KMT2D: variants seen among roughly 807,000 people sequenced by gnomAD.
KMT2D encodes histone-lysine N-methyltransferase 2D.
A neutral mutation model predicts 512.7 loss-of-function variants in KMT2D; 55 were observed. The ratio of observed to expected loss-of-function variants is 0.11; its 90% CI spans 0.09 to 0.13. The LOEUF (loss-of-function observed/expected upper bound fraction) is 0.13, where lower values mean the gene tolerates loss of function less well. Ranked by LOEUF, KMT2D falls within the 10% of genes least tolerant of loss-of-function variation. The pLI is 1.00. For missense variants in KMT2D, 6,061 were observed against 7,127.9 expected (o/e 0.85, Z 5.39); for synonymous variants, 2,995 against 2,904.0 (o/e 1.03, Z -1.01).
rs967748076 is a variant in KMT2D at position 49,046,524 on chromosome 12, C to T, written c.4418+85G>A. ...CAAGCCACCAGCCTGGCCTCCTAAA[C>T]CCAGCCTCTGTCACATACTCAACAT... is the stretch of plus-strand genomic sequence containing the variant. On this transcript the variant is annotated intron_variant, in intron 16 of 54. Transcript: ENST00000301067. The surrounding 1 kb of genome is among the most constrained non-coding windows in gnomAD (Gnocchi z 4.2). 13 of 1,576,658 alleles carry T rather than the reference C, an allele frequency of 8.2e-6. No homozygotes were observed. In the Admixed American group the frequency reaches 2.2e-4, roughly 27 times the overall value.
chr12:49,031,696 G>C lies in KMT2D; in HGVS notation c.13009C>G (p.Pro4337Ala), dbSNP rs587778475. 5.0e-6 allele frequency: 8 copies of C among 1,612,494 alleles called. No individual in the cohort carries two copies. The Admixed American group carries it at 1.3e-4, about 27-fold the overall frequency. Residue 4337 changes from proline (P) to alanine (A), a missense_variant, in exon 40 of 55, where the codon CCT becomes GCT. Around this residue, in one of 16 missense-constraint regions of KMT2D, gnomAD observed 1,600 missense variants for 1,754.9 expected, o/e 0.91. Coordinates refer to ENST00000301067, the MANE Select transcript of KMT2D (RefSeq NM_003482.4). The stretch of plus-strand genomic sequence containing the variant: ...TTGGGGGTCCCTGGATGGGTGGGAG[G>C]GAGCTGGGCCTCAGTGGGAAGCTGG... The part of the protein sequence containing the change: ...SSQLPTEAQL[P>A]PTHPGTPKPQ...
At position 49,027,272 on chromosome 12, in the gene KMT2D, G is replaced by C. The variant is rs1942649626; in HGVS notation, c.14694C>G (p.Val4898=). 1 of 1,555,028 alleles carries C rather than the reference G, an allele frequency of 6.4e-7. No homozygotes were observed. The highest frequency in any genetic ancestry group is 8.7e-7 in the Non-Finnish European group (1 of 1,153,488). The change falls in exon 49 of 55, where the codon GTC becomes GTG. Residue 4898 remains valine (V), a synonymous_variant. Coordinates refer to ENST00000301067, the MANE Select transcript of KMT2D (RefSeq NM_003482.4). Reference sequence around the variant, plus strand: ...AGAGCTGTCGCACATCCAGATTGGAGACATTGTAGGTATAGCTGTGCTGAG... The same window carrying C: ...AGAGCTGTCGCACATCCAGATTGGACACATTGTAGGTATAGCTGTGCTGAG... ...PPTQHSYTYN[V]SNLDVRQLSA... is the part of the protein sequence containing the mutation.
intron 23 of KMT2D, 42 bp from the exon 24 acceptor site, chr12:49,043,824 C>A (rs1366150459): frequency 6.2e-7 from 1 of 1,613,796 alleles, no homozygotes; most frequent in Non-Finnish European, 8.5e-7. Context: ...TCATGCCCTG[C>A]AGGGCACAGA....
At position 49,052,166 on chromosome 12, in the gene KMT2D, G is replaced by A. The variant is rs367925817; in HGVS notation, c.1517C>T (p.Pro506Leu). ...TGGAGAAAAAGGTGATGATTCAGGT[G>A]GGGGAGACAGAGGAGACTCCTCAGG... is the stretch of plus-strand genomic sequence containing the variant. Reference protein sequence around the residue: ...PPPEESPLSPPPESSPFSPLE... With the variant: ...PPPEESPLSPLPESSPFSPLE... The change falls in exon 11 of 55, where the codon CCA becomes CTA. Residue 506 changes from proline to leucine, a missense_variant. Pro to Leu is a moderately conservative substitution (Grantham distance 98, BLOSUM62 -3). This residue lies in a region of KMT2D where 848 missense variants were observed against 838.5 expected (regional missense o/e 1.01). Transcript: ENST00000301067. The A allele has an allele frequency of 3.7e-6, 6 of 1,613,496 alleles. No homozygotes were observed. Among genetic ancestry groups the A allele is most frequent in the Admixed American group, 1.7e-5 (1 of 59,976 alleles).
chr12:49,028,891 A>G lies in KMT2D; in HGVS notation c.14319T>C (p.Thr4773=), dbSNP rs2120387425. 1.2e-6 allele frequency: 2 copies of G among 1,613,942 alleles called. No homozygotes were observed. The highest frequency in any genetic ancestry group is 1.7e-6 in the Non-Finnish European group (2 of 1,179,870). ...LEVPGKLPVT[T]WEKGKGSEVS... ...CCTCACTTCCTTTGCCCTTTTCCCA[A>G]GTTGTGACAGGCAGCTTTCCAGGGA... The change falls in exon 46 of 55, where the codon ACT becomes ACC. Residue 4773 remains threonine, a synonymous_variant. Coordinates refer to ENST00000301067, the MANE Select transcript of KMT2D (RefSeq NM_003482.4).
chr12:49,051,107 G>T lies in KMT2D; in HGVS notation c.2576C>A (p.Pro859His). 1.3e-6 allele frequency: 2 copies of T among 1,522,184 alleles called. No homozygotes were observed. The highest frequency in any genetic ancestry group is 1.8e-6 in the Non-Finnish European group (2 of 1,136,872). The allele number at this position is 1,522,184 out of a possible 1,614,324, so 94.3% of individuals were successfully genotyped here. The change falls in exon 11 of 55, where the codon CCC (proline) becomes CAC (histidine). Residue 859 changes from proline to histidine, a missense_variant. Pro to His is a moderately conservative substitution (Grantham distance 77). Transcript: ENST00000301067. ...SHLSPELEKP[P>H]LSPRPEKPPE... ...GGGCTTTTCAGGCCGAGGGGACAGG[G>T]GTGGCTTCTCAAGCTCAGGGGACAG...
intron 1 of KMT2D, among the ~76,000 whole-genome samples, chr12:49,056,382 T>C (rs1224004701): frequency 1.3e-5 from 2 of 152,072 alleles, no homozygotes; most frequent in East Asian, 3.9e-4. Context: ...ACTAAAGTTA[T>C]ACCTAAAAAA....
In KMT2D at chr12:49,050,638, G is replaced by A. The variant is rs1328865418; in HGVS notation, c.2950C>T (p.Pro984Ser). The A allele has an allele frequency of 6.2e-7, 1 of 1,613,062 alleles. No individual in the cohort carries two copies. The highest frequency in any genetic ancestry group is 8.5e-7 in the Non-Finnish European group (1 of 1,179,512). ...TCAGTGCAGTTAGCTTCTGGTGGAGGGCTGATGGGTGTCTCCAGGATGGGG... is the reference window on the plus strand; with the variant it reads ...TCAGTGCAGTTAGCTTCTGGTGGAGAGCTGATGGGTGTCTCCAGGATGGGG... The part of the protein sequence containing the change: ...AAPILETPIS[P>S]PPEANCTDPE... The change falls in exon 12 of 55, where the codon CCT becomes TCT. Residue 984 changes from proline to serine, a missense_variant. Around this residue, in one of 16 missense-constraint regions of KMT2D, gnomAD observed 447 missense variants for 500.1 expected, o/e 0.89. Transcript: ENST00000301067.
At position 49,039,906 on chromosome 12, in the gene KMT2D, C is replaced by T. The variant is rs760968358; in HGVS notation, c.7864G>A (p.Asp2622Asn). 1.7e-5 allele frequency: 27 copies of T among 1,613,996 alleles called. No individual in the cohort carries two copies. Among genetic ancestry groups the T allele is most frequent in the South Asian group, 1.4e-4 (13 of 91,082 alleles). Reference sequence around the variant, plus strand: ...TGGGACAGGTAGGGGAGGGATCCGTCGGGTGCAGGTGGTGGCAGAACCGAC... The same window carrying T: ...TGGGACAGGTAGGGGAGGGATCCGTTGGGTGCAGGTGGTGGCAGAACCGAC... The part of the protein sequence containing the change: ...PPSVLPPPAP[D>N]GSLPYLSHGA... Residue 2622 changes from aspartate to asparagine, a missense_variant, in exon 32 of 55, where the codon GAC becomes AAC. By Grantham distance (23) the Asp-to-Asn change is conservative. This residue lies in a region of KMT2D where 527 missense variants were observed against 578.9 expected (regional missense o/e 0.91). Transcript: ENST00000301067. This position sits in a 1 kb window ranked among gnomAD's most constrained non-coding sequence, Gnocchi z 5.0.
chr12:49,033,131 C>T lies in KMT2D; in HGVS notation c.11574G>A (p.Gln3858=). ...MGHRLVTAQQ[Q]QQQQQHQQQG... is the part of the protein sequence containing the mutation. ...GCTGTTGGTGCTGTTGTTGCTGCTG[C>T]TGCTGCTGGGCTGTGACCAGCCTGT... Residue 3858 remains glutamine, a synonymous_variant, in exon 40 of 55, where the codon CAG becomes CAA. Transcript: ENST00000301067. 1.9e-6 allele frequency: 3 copies of T among 1,551,498 alleles called. No homozygotes were observed. Among genetic ancestry groups the T allele is most frequent in the Non-Finnish European group, 2.6e-6 (3 of 1,146,922 alleles).
chr12:49,052,584 T>G lies in KMT2D; in HGVS notation c.1238A>C (p.Gln413Pro). 1.2e-6 allele frequency: 2 copies of G among 1,613,422 alleles called. No homozygotes were observed. The highest frequency in any genetic ancestry group is 2.2e-5 in the South Asian group (2 of 90,978). ...SMQPKEPGPL[Q>P]CEAKPLGKAG... The stretch of plus-strand genomic sequence containing the variant: ...CTCACCTAGTGGTTTGGCTTCACAT[T>G]GCAGGGGCCCTGGTTCCTTGGGTTG... Residue 413 changes from glutamine (Q) to proline (P), a missense_variant, in exon 10 of 55, where the codon CAA (glutamine) becomes CCA (proline). Gln to Pro is a moderately conservative substitution (Grantham distance 76). Coordinates refer to ENST00000301067, the MANE Select transcript of KMT2D (RefSeq NM_003482.4).
rs928728046 is a variant in KMT2D, at chr12:49,031,523, C to T, written c.13182G>A (p.Leu4394=). The T allele has an allele frequency of 7.5e-6, 12 of 1,609,870 alleles. No individual in the cohort carries two copies. Among genetic ancestry groups the T allele is most frequent in the Non-Finnish European group, 8.5e-6 (10 of 1,178,228 alleles). Residue 4394 remains leucine, a synonymous_variant, in exon 40 of 55, where the codon CTG becomes CTA. Transcript: ENST00000301067. ...TCACCTGGTCCAGATGCCCAGGTACCAGGCTGCTCTGCTCTGGCTTCTGGG... is the reference window on the plus strand; with the variant it reads ...TCACCTGGTCCAGATGCCCAGGTACTAGGCTGCTCTGCTCTGGCTTCTGGG... ...AETQKPEQSS[L]VPGHLDQVNG...
intron 1 of KMT2D, among the ~76,000 whole-genome samples, chr12:49,056,911 C>T (rs751797277): frequency 1.1e-4 from 16 of 152,334 alleles, no homozygotes; most frequent in Middle Eastern, 3.4e-3. Flanking sequence ...GGCTATGCCC[C>T]TCTGGAGACA....
Position 49,051,450 on chromosome 12 carries a change from G to T in KMT2D, c.2233C>A (p.Pro745Thr), listed in dbSNP as rs1169768426. ...GACAGGTGCGGCTCCTCAGGCCGGGGTGACAGGTGCGGCCCCTCGGACCGG... is the reference window on the plus strand; with the variant it reads ...GACAGGTGCGGCTCCTCAGGCCGGGTTGACAGGTGCGGCCCCTCGGACCGG... ...CPRSEGPHLS[P>T]RPEEPHLSPR... Residue 745 changes from proline (P) to threonine (T), a missense_variant, in exon 11 of 55, where the codon CCC becomes ACC. Pro to Thr is a conservative substitution (Grantham distance 38). Around this residue, in one of 16 missense-constraint regions of KMT2D, gnomAD observed 848 missense variants for 838.5 expected, o/e 1.01. Transcript: ENST00000301067. 1.9e-6 allele frequency: 3 copies of T among 1,613,186 alleles called. No homozygotes were observed. The highest frequency in any genetic ancestry group is 1.1e-5 in the South Asian group (1 of 91,064).
In KMT2D at chr12:49,039,917, G is replaced by A. The variant is rs2120519577; in HGVS notation, c.7853C>T (p.Pro2618Leu). 1 of 1,614,014 alleles carries A rather than the reference G, an allele frequency of 6.2e-7. No homozygotes were observed. Among genetic ancestry groups the A allele is most frequent in the Non-Finnish European group, 8.5e-7 (1 of 1,179,884 alleles). ...GGGGAGGGATCCGTCGGGTGCAGGT[G>A]GTGGCAGAACCGACGGAGGGCGTAG... is the stretch of plus-strand genomic sequence containing the variant. ...SPLRPPSVLP[P>L]PAPDGSLPYL... Residue 2618 changes from proline to leucine, a missense_variant, in exon 32 of 55, where the codon CCA (proline) becomes CTA (leucine). Coordinates refer to ENST00000301067, the MANE Select transcript of KMT2D (RefSeq NM_003482.4). The surrounding 1 kb of genome is among the most constrained non-coding windows in gnomAD (Gnocchi z 5.0).
In KMT2D at chr12:49,037,399, A is replaced by T. The variant is rs764625682; in HGVS notation, c.9957T>A (p.Gly3319=). ...GCTGGGGCAAACCTGGCTGTCGGGC[A>T]CCTGCAAGACCCAGGGAAAGCTGCT... ...SQQQLSLGLA[G]ARQPGLPQPL... is the part of the protein sequence containing the mutation. The change falls in exon 35 of 55, where the codon GGT becomes GGA. Residue 3319 remains glycine, a synonymous_variant. Transcript: ENST00000301067. 1 of 1,605,408 alleles carries T rather than the reference A, an allele frequency of 6.2e-7. No homozygotes were observed. Among genetic ancestry groups the T allele is most frequent in the East Asian group, 2.2e-5 (1 of 44,584 alleles).
At position 49,060,196 on chromosome 12, in the gene KMT2D, A is replaced by G. The variant is rs2120733598; in HGVS notation, c.-621T>C. Among the ~76,000 whole-genome samples, 1 of 151,412 alleles carries G rather than the reference A, an allele frequency of 6.6e-6. No homozygotes were observed. The highest frequency in any genetic ancestry group is 2.0e-4 in the East Asian group (1 of 5,094). The stretch of plus-strand genomic sequence containing the variant: ...GGGGCCGCGGGGCTGAACCTGACAC[A>G]CACCCAGCGCCGGGCTTCTCGACCC... On this transcript the variant is annotated 5_prime_UTR_variant, in exon 1 of 55. Transcript: ENST00000301067.
rs1942922119 is a variant in KMT2D at position 49,031,739 on chromosome 12, T to C, written c.12966A>G (p.Gln4322=). 1.6e-5 allele frequency: 26 copies of C among 1,612,964 alleles called. No homozygotes were observed. Among genetic ancestry groups the C allele is most frequent in the Non-Finnish European group, 2.2e-5 (26 of 1,179,540 alleles). ...GAAGCTGGGAGCTGGGGGAAGGTAA[T>C]TGTGAAGGTCTCTTTGGCTCTTGAG... is the stretch of plus-strand genomic sequence containing the variant. ...SSPQEPKRPS[Q]LPSPSSQLPT... is the part of the protein sequence containing the mutation. The change falls in exon 40 of 55, where the codon CAA becomes CAG. Residue 4322 remains glutamine (Q), a synonymous_variant. Coordinates refer to ENST00000301067, the MANE Select transcript of KMT2D (RefSeq NM_003482.4).
rs923656325 is a variant in KMT2D at position 49,021,430 on chromosome 12, C to T, written c.*350G>A. On this transcript the variant is annotated 3_prime_UTR_variant, in exon 55 of 55. Transcript: ENST00000301067. ...GCAGCAGGGCTGTGAGGCCCGGCCA[C>T]ACATCCTCTTCCCCCACCCTGCTGC... 1.4e-5 allele frequency: 5 copies of T among 347,922 alleles called. No homozygotes were observed. Among genetic ancestry groups the T allele is most frequent in the East Asian group, 4.5e-5 (1 of 22,256 alleles). 21.6% of individuals were successfully genotyped at this position (347,922 alleles called of 1,614,324 possible). A position where few individuals can be genotyped will look rare whatever the true frequency, so the allele number is the denominator to read the frequency against.
Sources: gnomAD v4.1 joint callset for allele counts (sites outside exome capture counted in the v4.1 genomes callset) on GRCh38, gnomAD v4.1.1 for gene constraint, gnomAD v4.1.1 regional missense constraint, Gnocchi (gnomAD v3.1) non-coding constraint, MANE v1.5 for transcripts, NCBI Gene and HGNC (gene_info 2026-07-23, HGNC 2026-07-21) for gene names.